GULP1: variants seen among roughly 807,000 people sequenced by gnomAD.
GULP1 encodes the protein GULP PTB domain containing engulfment adaptor 1.
Under a neutral mutation model 40.9 loss-of-function variants are expected in GULP1, and 19 were observed. That is an observed-to-expected ratio of 0.46 (90% CI 0.32 to 0.68). GULP1 has a LOEUF of 0.68. Ranked by LOEUF, GULP1 falls within the 30% of genes least tolerant of loss-of-function variation. The pLI, the probability that GULP1 is intolerant of heterozygous loss-of-function variation, is 0.03. For missense variants in GULP1, 312 were observed against 362.2 expected (o/e 0.86, Z 1.12); for synonymous variants, 119 against 117.6 (o/e 1.01, Z -0.08).
At chr2:188,326,928 C>A (rs1288179628) in intron 1 of GULP1, among the ~76,000 whole-genome samples, 1 of 152,018 alleles carries the variant, frequency 6.6e-6, no homozygotes, top group East Asian at 1.9e-4. Flanking sequence ...TACAAGGCAT[C>A]GGTCTGTGGT....
chr2:188,533,107 C>T (rs1687990358), intron 6 of GULP1, among the ~76,000 whole-genome samples: 1 of 152,030 alleles, frequency 6.6e-6, no homozygotes, highest in Non-Finnish European at 1.5e-5. Flanking sequence ...TACCTGCTCT[C>T]CTGATTGTTG....
chr2:188,354,088 A>T (rs999563417), intron 1 of GULP1, among the ~76,000 whole-genome samples: 1 of 152,080 alleles, frequency 6.6e-6, no homozygotes, highest in South Asian at 2.1e-4. Context: ...GAGTAGAGTC[A>T]TAGCTGTGTT....
At chr2:188,480,055 A>G (rs2061328420) in intron 3 of GULP1, among the ~76,000 whole-genome samples, 1 of 152,140 alleles carries the variant, frequency 6.6e-6, no homozygotes, top group Admixed American at 6.6e-5. Flanking sequence ...CCTTAAGTTC[A>G]CCAGTCAATC....
intron 2 of GULP1, 59 bp from the exon 3 acceptor site, chr2:188,477,600 A>C (rs2061116584): frequency 1.2e-6 from 1 of 826,910 alleles, no homozygotes; most frequent in African/African-American, 1.8e-5. Flanking sequence ...CCACATTAGC[A>C]AAAGAGAGGT....
At chr2:188,344,547 G>A (rs1372927120) in intron 1 of GULP1, among the ~76,000 whole-genome samples, 1 of 152,206 alleles carries the variant, frequency 6.6e-6, no homozygotes, top group Non-Finnish European at 1.5e-5. Context: ...TGATAAGAAG[G>A]CGAGTATTTG....
At chr2:188,419,024 G>T (rs2152755028) in intron 2 of GULP1, among the ~76,000 whole-genome samples, 1 of 152,246 alleles carries the variant, frequency 6.6e-6, no homozygotes, top group East Asian at 1.9e-4. Flanking sequence ...TGTCCTCAAG[G>T]TTCATCTATG....
intron 1 of GULP1, among the ~76,000 whole-genome samples, chr2:188,378,177 A>T (rs1298508208): frequency 6.6e-6 from 1 of 152,010 alleles, no homozygotes; most frequent in East Asian, 1.9e-4. Context: ...AAGGCAACAT[A>T]GTTTTGGAAT....
intron 2 of GULP1, among the ~76,000 whole-genome samples, chr2:188,403,830 G>A (rs371854983): frequency 6.6e-6 from 1 of 152,174 alleles, no homozygotes; most frequent in African/African-American, 2.4e-5. Context: ...GAGCAATCAA[G>A]TATTCAAACC....
chr2:188,304,957 A>C (rs2036797643), intron 1 of GULP1, among the ~76,000 whole-genome samples: 1 of 152,098 alleles, frequency 6.6e-6, no homozygotes, highest in Admixed American at 6.6e-5. Context: ...TTCTAATTCA[A>C]TTCTGACATT....
At chr2:188,536,098 G>A (rs1038989201) in intron 6 of GULP1, among the ~76,000 whole-genome samples, 2 of 151,920 alleles carry the variant, frequency 1.3e-5, no homozygotes, top group African/African-American at 2.4e-5. Flanking sequence ...GGTATTAGAC[G>A]TTTGTTGGAT....
At chr2:188,415,106 T>A (rs760981668) in intron 2 of GULP1, among the ~76,000 whole-genome samples, 5 of 152,224 alleles carry the variant, frequency 3.3e-5, no homozygotes, top group Non-Finnish European at 5.9e-5. Flanking sequence ...AATCCCAGAA[T>A]TAGTTTACAA....
At chr2:188,520,854 C>T (rs10207510) in intron 4 of GULP1, among the ~76,000 whole-genome samples, 3,297 of 152,210 alleles carry the variant, frequency 0.022, 126 homozygotes, top group African/African-American at 0.075. Flanking sequence ...TTTTAACCAA[C>T]GCTCTAGGTA....
chr2:188,533,889 G>A (rs945920401), intron 6 of GULP1, among the ~76,000 whole-genome samples: 4 of 151,746 alleles, frequency 2.6e-5, no homozygotes, highest in East Asian at 1.9e-4. Flanking sequence ...AAAATGCTCC[G>A]CATCACTAAT....
intron 2 of GULP1, among the ~76,000 whole-genome samples, chr2:188,423,601 T>C: frequency 6.6e-6 from 1 of 151,830 alleles, no homozygotes; most frequent in Non-Finnish European, 1.5e-5. Context: ...ATTTTAAAAA[T>C]GTGATATAAA....
At chr2:188,349,647 A>G (rs1323085405) in intron 1 of GULP1, among the ~76,000 whole-genome samples, 3 of 152,316 alleles carry the variant, frequency 2.0e-5, no homozygotes, top group Admixed American at 1.3e-4. Context: ...ATTTTCTGCA[A>G]TTCTGTGGAT....
chr2:188,477,030 G>A (rs144056051), intron 2 of GULP1, among the ~76,000 whole-genome samples: 1 of 152,120 alleles, frequency 6.6e-6, no homozygotes, highest in African/African-American at 2.4e-5. Context: ...TACAGAACAG[G>A]TATTAAGAGG....
Position 188,460,854 on chromosome 2 carries a change from G to A in GULP1, c.-44-16805G>A, listed in dbSNP as rs542984890. ...TACCCAGTTTTTGAGGGTCTTTATC[G>A]TGAGGGGATGTTGAATTTTCAGCAT... On this transcript the variant is annotated intron_variant, in intron 2 of 11. Transcript: ENST00000409830. Among the ~76,000 whole-genome samples the A allele has an allele frequency of 1.8e-4, 27 of 152,144 alleles. No homozygotes were observed. In the South Asian group the frequency reaches 1.9e-3, roughly 10 times the overall value.
rs565631304 is a variant in GULP1 at position 188,440,060 on chromosome 2, G to C, written c.-44-37599G>C. 1.5e-4 allele frequency among the ~76,000 whole-genome samples: 23 copies of C among 152,226 alleles called. 1 individual carries two copies. The highest frequency in any genetic ancestry group is 5.3e-4 in the African/African-American group (22 of 41,542). On this transcript the variant is annotated intron_variant, in intron 2 of 11. Coordinates refer to ENST00000409830, the MANE Select transcript of GULP1 (RefSeq NM_016315.4). ...ATTTTTTGAAAAGTAAAACTAAAAA[G>C]AGCTGGTTTATTACAAAATGCATAT...
At chr2:188,500,235 T>G in intron 4 of GULP1, among the ~76,000 whole-genome samples, 1 of 151,912 alleles carries the variant, frequency 6.6e-6, no homozygotes, top group East Asian at 1.9e-4. Flanking sequence ...CCTGAAAACC[T>G]GCATTTTGAC....
Sources: allele counts gnomAD v4.1 joint callset (sites outside exome capture counted in the v4.1 genomes callset), GRCh38; gene constraint gnomAD v4.1.1; transcripts MANE v1.5; gene names NCBI Gene and HGNC (gene_info 2026-07-23, HGNC 2026-07-21).